SASS6: variants seen among roughly 807,000 people sequenced by gnomAD.
SASS6 encodes the protein spindle assembly abnormal protein 6 homolog.
A neutral mutation model predicts 94.9 loss-of-function variants in SASS6; 59 were observed. That is an observed-to-expected ratio of 0.62 (90% CI 0.50 to 0.77). The LOEUF (loss-of-function observed/expected upper bound fraction) is 0.77. Ranked by LOEUF, SASS6 falls within the 30% of genes least tolerant of loss-of-function variation. The pLI is 0.00. For synonymous variants in SASS6, 264 were observed against 270.0 expected (o/e 0.98, Z 0.22); for missense variants, 698 against 734.1 (o/e 0.95, Z 0.57).
intron 8 of SASS6, among the ~76,000 whole-genome samples, chr1:100,108,411 T>C (rs1653069974): frequency 6.6e-6 from 1 of 152,138 alleles, no homozygotes; most frequent in Admixed American, 6.5e-5. Context: ...TACTCTGCAG[T>C]TTATAATCTA....
chr1:100,103,072 T>TCTA lies in SASS6; in HGVS notation c.1554_1556dup (p.Gly518_Arg519insSer). The TCTA allele has an allele frequency of 6.3e-7, 1 of 1,594,370 alleles. No individual in the cohort carries two copies. The highest frequency in any genetic ancestry group is 1.1e-5 in the South Asian group (1 of 89,436). On this transcript the variant is annotated inframe_insertion, in exon 14 of 17. Coordinates refer to ENST00000287482, the MANE Select transcript of SASS6 (RefSeq NM_194292.3). ...CAATCCCACAGGTTGGGTAAGTCAGTCTACCATCAACCTAAAAATAAAAAC... is the reference window on the plus strand; with the variant it reads ...CAATCCCACAGGTTGGGTAAGTCAGTCTACTACCATCAACCTAAAAATAAAAAC...
chr1:100,130,598 G>A (rs1654931217), intron 1 of SASS6, among the ~76,000 whole-genome samples: 3 of 151,872 alleles, frequency 2.0e-5, no homozygotes, highest in Non-Finnish European at 4.4e-5. Context: ...CTAAGGTGAG[G>A]GGAACCCTTG....
At chr1:100,127,004 T>G (rs181660044) in intron 1 of SASS6, among the ~76,000 whole-genome samples, 1 of 152,162 alleles carries the variant, frequency 6.6e-6, no homozygotes, top group Non-Finnish European at 1.5e-5. Context: ...CTTTAAGCCC[T>G]GAGAGGGAGA....
chr1:100,111,049 G>A (rs1201921548), intron 7 of SASS6, among the ~76,000 whole-genome samples: 1 of 151,958 alleles, frequency 6.6e-6, no homozygotes, highest in African/African-American at 2.4e-5. Context: ...GTGCCTGTCT[G>A]AATCGTATCA....
intron 14 of SASS6, among the ~76,000 whole-genome samples, chr1:100,097,436 C>G (rs1652181102): frequency 6.6e-6 from 1 of 152,108 alleles, no homozygotes; most frequent in South Asian, 2.1e-4. Context: ...TGTGGCATAT[C>G]AATACAATGA....
chr1:100,115,052 T>G (rs76131375), intron 7 of SASS6, among the ~76,000 whole-genome samples: 2,300 of 151,868 alleles, frequency 0.015, 28 homozygotes, highest in Non-Finnish European at 0.022. Context: ...CAAAAAAGAC[T>G]GGAAAAAGAT....
At chr1:100,091,073 G>C (rs1281891847) in intron 14 of SASS6, among the ~76,000 whole-genome samples, 5 of 152,142 alleles carry the variant, frequency 3.3e-5, no homozygotes, top group African/African-American at 1.2e-4. Context: ...GGGAGGCTGA[G>C]GTGGGTCAAT....
rs758000922 is a variant in SASS6, at chr1:100,123,340, G to C, written c.127-51C>G. The C allele has an allele frequency of 3.6e-6, 3 of 841,842 alleles. No homozygotes were observed. The South Asian group carries it at 4.5e-5, about 13-fold the overall frequency. The allele number at this position is 841,842 out of a possible 1,614,324, so 52.1% of individuals were successfully genotyped here. On this transcript the variant is annotated intron_variant, in intron 2 of 16. Coordinates refer to ENST00000287482, the MANE Select transcript of SASS6 (RefSeq NM_194292.3). Reference sequence around the variant, plus strand: ...ATGTTTTTACTAGATCTGGCCTTTTGAGTAATTTCTTCTCAGAAGTAAAGA... The same window carrying C: ...ATGTTTTTACTAGATCTGGCCTTTTCAGTAATTTCTTCTCAGAAGTAAAGA...
At chr1:100,093,597 C>T (rs1651913257) in intron 14 of SASS6, among the ~76,000 whole-genome samples, 1 of 151,636 alleles carries the variant, frequency 6.6e-6, no homozygotes, top group South Asian at 2.1e-4. Context: ...CCTGTCTCTA[C>T]AAAAAAATAC....
intron 12 of SASS6, 79 bp from the exon 13 acceptor site, chr1:100,105,982 T>C: frequency 4.3e-6 from 4 of 940,598 alleles, no homozygotes; most frequent in Non-Finnish European, 5.9e-6. Flanking sequence ...TTAAAAATTA[T>C]ATTAAGATTT....
Position 100,123,256 on chromosome 1 carries a change from G to A in SASS6, c.160C>T (p.Pro54Ser), listed in dbSNP as rs755350663. Residue 54 changes from proline to serine, a missense_variant, in exon 3 of 17, where the codon CCA (proline) becomes TCA (serine). Coordinates refer to ENST00000287482, the MANE Select transcript of SASS6 (RefSeq NM_194292.3). Reference sequence around the variant, plus strand: ...ATAACAAGGTTATATAAAAAAAATGGATCCGTGTCATCAGTCAGACGAATA... The same window carrying A: ...ATAACAAGGTTATATAAAAAAAATGAATCCGTGTCATCAGTCAGACGAATA... Reference protein sequence around the residue: ...LVIRLTDDTDPFFLYNLVISE... With the variant: ...LVIRLTDDTDSFFLYNLVISE... The A allele has an allele frequency of 2.6e-6, 4 of 1,561,880 alleles. No individual in the cohort carries two copies. Among genetic ancestry groups the A allele is most frequent in the Non-Finnish European group, 3.5e-6 (4 of 1,141,458 alleles).
intron 1 of SASS6, among the ~76,000 whole-genome samples, chr1:100,131,498 T>C (rs556352985): frequency 6.6e-6 from 1 of 152,344 alleles, no homozygotes; most frequent in Non-Finnish European, 1.5e-5. Context: ...ATATTTTACA[T>C]TCTTTTTTCA....
intron 1 of SASS6, among the ~76,000 whole-genome samples, chr1:100,126,632 C>T (rs1202024067): frequency 1.3e-5 from 2 of 152,068 alleles, no homozygotes; most frequent in African/African-American, 4.8e-5. Context: ...CAAAAACAAG[C>T]CAGGCGTGGT....
At chr1:100,110,179 C>T (rs1205727140) in intron 8 of SASS6, 113 bp downstream of exon 8, 2 of 531,702 alleles carry the variant, frequency 3.8e-6, no homozygotes, top group Non-Finnish European at 6.5e-6. Context: ...AATGGATACC[C>T]TAACACCACA....
chr1:100,096,520 GA>G (rs1439998274), intron 14 of SASS6, among the ~76,000 whole-genome samples: 2 of 151,968 alleles, frequency 1.3e-5, no homozygotes, highest in Admixed American at 6.5e-5. Flanking sequence ...ATCCACAAAA[GA>G]AAAAAGTTTG....
At chr1:100,118,607 T>A (rs1203343597) in intron 7 of SASS6, among the ~76,000 whole-genome samples, 1 of 152,162 alleles carries the variant, frequency 6.6e-6, no homozygotes, top group Non-Finnish European at 1.5e-5. Context: ...ATGAATACTC[T>A]GCAGTCACTA....
At chr1:100,126,651 C>A (rs1654643967) in intron 1 of SASS6, among the ~76,000 whole-genome samples, 1 of 152,122 alleles carries the variant, frequency 6.6e-6, no homozygotes, top group South Asian at 2.1e-4. Context: ...GTGGCACCCA[C>A]CTGTAGTCCC....
At position 100,118,999 on chromosome 1, in the gene SASS6, T is replaced by G; in HGVS notation, c.669+19A>C. Reference sequence around the variant, plus strand: ...ACAGCAATAAAAGATATTTTTTCAGTTTCCTTTAATGTTCTTACCTGCAAG... The same window carrying G: ...ACAGCAATAAAAGATATTTTTTCAGGTTCCTTTAATGTTCTTACCTGCAAG... On this transcript the variant is annotated intron_variant, in intron 7 of 16. Transcript: ENST00000287482. The G allele has an allele frequency of 2.0e-6, 3 of 1,494,200 alleles. No individual in the cohort carries two copies. The highest frequency in any genetic ancestry group is 2.7e-6 in the Non-Finnish European group (3 of 1,114,328). The allele number at this position is 1,494,200 out of a possible 1,614,324, so 92.6% of individuals were successfully genotyped here.
intron 7 of SASS6, among the ~76,000 whole-genome samples, chr1:100,111,797 T>C (rs956114260): frequency 1.3e-5 from 2 of 151,942 alleles, no homozygotes; most frequent in African/African-American, 2.4e-5. Context: ...AAATTGAAAA[T>C]GCCATCTTGG....
Sources: allele counts gnomAD v4.1 joint callset (sites outside exome capture counted in the v4.1 genomes callset), GRCh38; gene constraint gnomAD v4.1.1; transcripts MANE v1.5; gene names NCBI Gene and HGNC (gene_info 2026-07-23, HGNC 2026-07-21).